Variants in NCKAP5 observed in about 807,000 individuals in gnomAD.
The protein encoded by NCKAP5 is NCK associated protein 5.
In NCKAP5, 92 loss-of-function variants were observed where a neutral mutation model predicts 167.0. The observed-to-expected ratio is 0.55, with a 90% CI of 0.47 to 0.66. The LOEUF (loss-of-function observed/expected upper bound fraction) is 0.66, where lower values mean the gene tolerates loss of function less well. Ranked by LOEUF, NCKAP5 falls within the 30% of genes least tolerant of loss-of-function variation. NCKAP5 has a pLI of 0.00. For missense variants in NCKAP5, 2,378 were observed against 2,315.0 expected (o/e 1.03, Z -0.56); for synonymous variants, 891 against 877.4 (o/e 1.02, Z -0.27).
chr2:133,242,107 G>A (rs1411853156), intron 4 of NCKAP5, among the ~76,000 whole-genome samples: 3 of 103,212 alleles, frequency 2.9e-5, no homozygotes, highest in Admixed American at 1.4e-4. Context: ...CAACAAGAGC[G>A]AAACTCTGTC....
In NCKAP5 at chr2:132,672,742, A is replaced by G. The variant is rs931275831; in HGVS notation, c.*547T>C. The G allele has an allele frequency of 1.3e-5, 2 of 159,188 alleles. No individual in the cohort carries two copies. Among genetic ancestry groups the G allele is most frequent in the African/African-American group, 4.8e-5 (2 of 41,554 alleles). 9.9% of individuals were successfully genotyped at this position (159,188 alleles called of 1,614,324 possible). On this transcript the variant is annotated 3_prime_UTR_variant, in exon 20 of 20. Transcript: ENST00000409261. ...ACAAATATAATTTCTCTTCCAAAAA[A>G]TTTACAACTTCTGTACAAATATTCA... is the stretch of plus-strand genomic sequence containing the variant.
At chr2:133,631,668 A>T in the NCKAP5 span, among the ~76,000 whole-genome samples, 2 of 152,158 alleles carry the variant, frequency 1.3e-5, no homozygotes, top group Non-Finnish European at 2.9e-5. Context: ...AATAACTTAG[A>T]CTTTGGAAAA....
intron 3 of NCKAP5, among the ~76,000 whole-genome samples, chr2:133,409,674 T>A (rs1161783077): frequency 6.6e-6 from 1 of 152,132 alleles, no homozygotes; most frequent in African/African-American, 2.4e-5. Context: ...ACCCTAAAAA[T>A]CAAGGGATGT....
chr2:132,959,975 G>A (rs1397688694), intron 8 of NCKAP5, among the ~76,000 whole-genome samples: 1 of 152,162 alleles, frequency 6.6e-6, no homozygotes, highest in Non-Finnish European at 1.5e-5. Context: ...TACACCAAGT[G>A]ATTTCTCCTC....
At chr2:133,020,452 T>C (rs1193115339) in intron 6 of NCKAP5, among the ~76,000 whole-genome samples, 2 of 152,034 alleles carry the variant, frequency 1.3e-5, no homozygotes, top group African/African-American at 4.8e-5. Flanking sequence ...AAAAGATATG[T>C]TTTCAGGAGT....
chr2:132,749,019 C>T (rs72844788), intron 16 of NCKAP5, among the ~76,000 whole-genome samples: 14,968 of 152,030 alleles, frequency 0.098, 777 homozygotes, highest in East Asian at 0.13. Flanking sequence ...TCCACCCCTA[C>T]GGACTCCCAA....
chr2:133,437,267 C>T (rs1389083292), intron 3 of NCKAP5, among the ~76,000 whole-genome samples: 5 of 151,750 alleles, frequency 3.3e-5, no homozygotes, highest in Admixed American at 6.6e-5. Flanking sequence ...GCAGGAGAAT[C>T]GCTTGAACCC....
chr2:132,767,612 A>T (rs1681625465), intron 16 of NCKAP5, among the ~76,000 whole-genome samples: 1 of 152,198 alleles, frequency 6.6e-6, no homozygotes, highest in Non-Finnish European at 1.5e-5. Flanking sequence ...GTGGCCGAAA[A>T]AGGTACCTGT....
At chr2:133,433,143 G>A (rs1473786829) in intron 3 of NCKAP5, among the ~76,000 whole-genome samples, 1 of 152,140 alleles carries the variant, frequency 6.6e-6, no homozygotes, top group Non-Finnish European at 1.5e-5. Flanking sequence ...TAACTAAAGG[G>A]AACAATGAAA....
chr2:132,845,428 G>A lies in NCKAP5; in HGVS notation c.807+15064C>T, dbSNP rs1688590236. The stretch of plus-strand genomic sequence containing the variant: ...TTCTTCAGTATTTACATAATTTCTT[G>A]TACATTTAGGGTATTAACCCATGTA... On this transcript the variant is annotated intron_variant, in intron 11 of 19. Transcript: ENST00000409261. Among the ~76,000 whole-genome samples, 4 of 152,002 alleles carry A rather than the reference G, an allele frequency of 2.6e-5. No homozygotes were observed. In the South Asian group the frequency reaches 8.3e-4, roughly 31 times the overall value.
rs562362621 is a variant in NCKAP5, at chr2:132,946,718, G to A, written c.579+17002C>T. Among the ~76,000 whole-genome samples, 113 of 152,214 alleles carry A rather than the reference G, an allele frequency of 7.4e-4. 1 individual carries two copies. Among genetic ancestry groups the A allele is most frequent in the Non-Finnish European group, 1.4e-3 (93 of 67,998 alleles). On this transcript the variant is annotated intron_variant, in intron 8 of 19. Transcript: ENST00000409261. Reference sequence around the variant, plus strand: ...TCAAGGCCAGCCTAGGCAACATGACGAAACCCTGTCTCTATAAAAAAATAC... The same window carrying A: ...TCAAGGCCAGCCTAGGCAACATGACAAAACCCTGTCTCTATAAAAAAATAC...
chr2:133,572,832 C>T (rs1479333624), upstream of NCKAP5, among the ~76,000 whole-genome samples: 1 of 152,280 alleles, frequency 6.6e-6, no homozygotes, highest in Non-Finnish European at 1.5e-5. Context: ...TGAGAACCCT[C>T]GTGTTTAGAA....
chr2:132,831,619 A>G (rs1287579345), intron 11 of NCKAP5, among the ~76,000 whole-genome samples: 2 of 151,998 alleles, frequency 1.3e-5, no homozygotes, highest in African/African-American at 4.8e-5. Context: ...CTCTTTATAT[A>G]TTAATAGTAT....
At chr2:132,794,225 T>TAC (rs1558787423) in intron 12 of NCKAP5, among the ~76,000 whole-genome samples, 40 of 17,608 alleles carry the variant, frequency 2.3e-3, no homozygotes, top group Admixed American at 4.6e-3. Context: ...TGTTTATACA[T>TAC]ATATATATAT....
At position 132,723,060 on chromosome 2, in the gene NCKAP5, C is replaced by T. The variant is rs572263791; in HGVS notation, c.5713+2567G>A. 6.6e-5 allele frequency among the ~76,000 whole-genome samples: 10 copies of T among 151,942 alleles called. No individual in the cohort carries two copies. The South Asian group carries it at 2.1e-3, about 32-fold the overall frequency. On this transcript the variant is annotated intron_variant, in intron 19 of 19. Transcript: ENST00000409261. ...CATGCTGGTCTCCAACTCCTGGCCT[C>T]AAGTTATTCTCTTGCCTTACCGTCC...
chr2:132,924,536 C>A (rs1437894), intron 8 of NCKAP5, among the ~76,000 whole-genome samples: 36,133 of 151,908 alleles, frequency 0.24, 9,070 homozygotes, highest in African/African-American at 0.6. Flanking sequence ...AAATATTATT[C>A]TTAGTTCTTT....
At chr2:132,975,734 G>T (rs948001061) in intron 7 of NCKAP5, among the ~76,000 whole-genome samples, 6 of 151,672 alleles carry the variant, frequency 4.0e-5, no homozygotes, top group African/African-American at 1.5e-4. Flanking sequence ...ATGCCATGTA[G>T]ATAGGGAATT....
chr2:132,764,445 A>G (rs1458738185), intron 16 of NCKAP5, among the ~76,000 whole-genome samples: 1 of 152,230 alleles, frequency 6.6e-6, no homozygotes, highest in Non-Finnish European at 1.5e-5. Flanking sequence ...ATAGTTAGTT[A>G]TAAGTGGGTG....
At chr2:133,398,802 G>A (rs549489194) in intron 3 of NCKAP5, among the ~76,000 whole-genome samples, 1 of 152,260 alleles carries the variant, frequency 6.6e-6, no homozygotes, top group East Asian at 1.9e-4. Flanking sequence ...GGCAGCTCAA[G>A]CTCAACAACT....
Sources: gnomAD v4.1 joint callset for allele counts (sites outside exome capture counted in the v4.1 genomes callset) on GRCh38, gnomAD v4.1.1 for gene constraint, MANE v1.5 for transcripts, NCBI Gene and HGNC (gene_info 2026-07-23, HGNC 2026-07-21) for gene names.